Variants in MTFR1 observed in about 807,000 individuals in gnomAD.
The protein encoded by MTFR1 is mitochondrial fission regulator 1.
MTFR1 carries 28 observed loss-of-function variants against 38.8 expected under a neutral mutation model. The ratio of observed to expected loss-of-function variants is 0.72; its 90% CI spans 0.53 to 0.99. The LOEUF (loss-of-function observed/expected upper bound fraction) is 0.99. MTFR1 is among the 50% of genes least tolerant of loss of function. The pLI, the probability that MTFR1 is intolerant of heterozygous loss-of-function variation, is 0.00. For synonymous variants in MTFR1, 145 were observed against 137.0 expected, an observed-to-expected ratio of 1.06 and a Z score of -0.41; for missense variants, 358 against 395.5, an observed-to-expected ratio of 0.91 and a Z score of 0.81.
rs543282093 is a variant in MTFR1 at position 65,677,458 on chromosome 8, C to T, written c.67-4895C>T. Among the ~76,000 whole-genome samples, 11 of 147,114 alleles carry T rather than the reference C, an allele frequency of 7.5e-5. No individual in the cohort carries two copies. In the South Asian group the frequency reaches 2.0e-3, roughly 27 times the overall value. Reference sequence around the variant, plus strand: ...AGTGCAGTGGCACGATGTCAGCTCACGGCAACCTCTGCCTCCCAGGTTTAA... The same window carrying T: ...AGTGCAGTGGCACGATGTCAGCTCATGGCAACCTCTGCCTCCCAGGTTTAA... On this transcript the variant is annotated intron_variant, in intron 2 of 7. Transcript: ENST00000262146.
At chr8:65,678,548 C>G (rs1804781881) in intron 2 of MTFR1, among the ~76,000 whole-genome samples, 1 of 152,140 alleles carries the variant, frequency 6.6e-6, no homozygotes, top group African/African-American at 2.4e-5. Context: ...GCAATCTGTT[C>G]TTTTCCTTCC....
chr8:65,739,622 AT>A, intron 3 of MTFR1: 1 of 1,481,034 alleles, frequency 6.8e-7, no homozygotes, highest in Non-Finnish European at 9.0e-7. Context: ...GAGACATTAC[AT>A]TAGTAGGAAA....
At chr8:65,674,393 C>G (rs998353712) in intron 2 of MTFR1, among the ~76,000 whole-genome samples, 1 of 151,096 alleles carries the variant, frequency 6.6e-6, no homozygotes, top group Non-Finnish European at 1.5e-5. Flanking sequence ...GGGAGGATCA[C>G]TGGAGTTCAG....
At chr8:65,663,728 T>TTGGGAA (rs1804281003) in intron 1 of MTFR1, among the ~76,000 whole-genome samples, 1 of 151,828 alleles carries the variant, frequency 6.6e-6, no homozygotes, top group Non-Finnish European at 1.5e-5. Flanking sequence ...TCCAATTACC[T>TTGGGAA]TGGGAAATGT....
At chr8:65,761,627 T>A (rs1359668466) in intron 3 of MTFR1, among the ~76,000 whole-genome samples, 1 of 152,198 alleles carries the variant, frequency 6.6e-6, no homozygotes, top group Non-Finnish European at 1.5e-5. Flanking sequence ...AAATATCACA[T>A]TACTTCACTA....
intron 3 of MTFR1, among the ~76,000 whole-genome samples, chr8:65,754,102 G>A (rs1365926667): frequency 6.6e-6 from 1 of 152,142 alleles, no homozygotes; most frequent in Admixed American, 6.5e-5. Context: ...CTGAGTCCCA[G>A]AACTGAAGAA....
At chr8:65,752,386 CATAAT>C (rs1424347895) in intron 3 of MTFR1, among the ~76,000 whole-genome samples, 1 of 152,266 alleles carries the variant, frequency 6.6e-6, no homozygotes, top group African/African-American at 2.4e-5. Context: ...ATATTTCACT[CATAAT>C]ATATTATTGA....
chr8:65,649,637 G>A (rs1191717342), intron 1 of MTFR1, among the ~76,000 whole-genome samples: 3 of 151,990 alleles, frequency 2.0e-5, no homozygotes, highest in Admixed American at 6.6e-5. Context: ...TCCTTTCTTT[G>A]TGTTACAAAC....
At chr8:65,678,726 C>A (rs778534726) in intron 2 of MTFR1, among the ~76,000 whole-genome samples, 2 of 152,032 alleles carry the variant, frequency 1.3e-5, no homozygotes, top group African/African-American at 4.8e-5. Context: ...CATCGTGAAA[C>A]CCCGTCTCTA....
chr8:65,662,550 T>G (rs201720346), intron 1 of MTFR1, among the ~76,000 whole-genome samples: 1 of 131,402 alleles, frequency 7.6e-6, no homozygotes, highest in Non-Finnish European at 1.7e-5. Flanking sequence ...CGTCTCTGCC[T>G]GGCCGCCCAT....
At chr8:65,723,559 T>C (rs1308354538) in intron 3 of MTFR1, 6 of 1,580,870 alleles carry the variant, frequency 3.8e-6, no homozygotes, top group South Asian at 1.2e-5. Context: ...ATGTTGGCAA[T>C]AGATTCAGTG....
intron 4 of MTFR1, among the ~76,000 whole-genome samples, chr8:65,699,554 G>C (rs967317136): frequency 6.6e-6 from 1 of 152,162 alleles, no homozygotes; most frequent in Non-Finnish European, 1.5e-5. Flanking sequence ...CTTTGTCTCT[G>C]GAGTTCCTCA....
chr8:65,757,687 G>C (rs1808301074), intron 3 of MTFR1, among the ~76,000 whole-genome samples: 1 of 152,074 alleles, frequency 6.6e-6, no homozygotes, highest in Non-Finnish European at 1.5e-5. Context: ...GGCATGATCT[G>C]GGCTCACTGC....
chr8:65,678,434 C>T (rs752186003), intron 2 of MTFR1, among the ~76,000 whole-genome samples: 12 of 152,056 alleles, frequency 7.9e-5, no homozygotes, highest in Non-Finnish European at 1.8e-4. Context: ...TTACACAGAC[C>T]CTTATTTGAT....
rs975107943 is a variant in MTFR1, at chr8:65,694,476, T to C, written c.281+717T>C. Among the ~76,000 whole-genome samples the C allele has an allele frequency of 3.9e-5, 6 of 152,218 alleles. No homozygotes were observed. The East Asian group carries it at 1.2e-3, about 29-fold the overall frequency. ...AGTATTTATAAAGTTTTTAGAGACA[T>C]ATAATTATGTCCTAAGTCCTCATTG... On this transcript the variant is annotated intron_variant, in intron 4 of 7. Coordinates refer to ENST00000262146, the MANE Select transcript of MTFR1 (RefSeq NM_014637.4).
At chr8:65,673,812 A>G (rs942056226) in intron 2 of MTFR1, among the ~76,000 whole-genome samples, 2 of 152,062 alleles carry the variant, frequency 1.3e-5, no homozygotes, top group Admixed American at 1.3e-4. Flanking sequence ...AGGCTGAGGC[A>G]GGAGAATCGC....
chr8:65,727,433 G>GT (rs1806658111), intron 3 of MTFR1: 3 of 1,323,234 alleles, frequency 2.3e-6, no homozygotes, highest in Non-Finnish European at 3.1e-6. Flanking sequence ...TCCTCAGGTG[G>GT]TTGTTCATTA....
intron 1 of MTFR1, among the ~76,000 whole-genome samples, chr8:65,651,175 A>G (rs1396098357): frequency 1.3e-5 from 2 of 152,174 alleles, no homozygotes; most frequent in Non-Finnish European, 2.9e-5. Context: ...TGTTTGAGCT[A>G]CTTATGTATT....
At chr8:65,750,723 G>GTA (rs762387461) in intron 3 of MTFR1, among the ~76,000 whole-genome samples, 2 of 151,988 alleles carry the variant, frequency 1.3e-5, no homozygotes, top group Non-Finnish European at 2.9e-5. Context: ...AATCATGGTT[G>GTA]TATCCTCCCC....
Sources: gnomAD v4.1 joint callset for allele counts (sites outside exome capture counted in the v4.1 genomes callset) on GRCh38, gnomAD v4.1.1 for gene constraint, MANE v1.5 for transcripts, NCBI Gene and HGNC (gene_info 2026-07-23, HGNC 2026-07-21) for gene names.